The following FANCD2 variants were observed in gnomAD, a reference collection of about 807,000 sequenced individuals.
The protein encoded by FANCD2 is FA complementation group D2, also known as Fanconi anemia group D2 protein.
A neutral mutation model predicts 192.3 loss-of-function variants in FANCD2; 131 were observed. The ratio of observed to expected loss-of-function variants is 0.68; its 90% CI spans 0.59 to 0.79. The LOEUF (loss-of-function observed/expected upper bound fraction) is 0.79, where lower values mean the gene tolerates loss of function less well. Among genes scored for constraint, FANCD2 ranks in the 30% least tolerant of loss-of-function variants. The pLI is 0.00. For synonymous variants in FANCD2, 524 were observed against 612.5 expected (o/e 0.86, Z 2.13); for missense variants, 1,508 against 1,701.6 (o/e 0.89, Z 2.00).
chr3:10,050,561 T>C (rs545449902), intron 17 of FANCD2, among the ~76,000 whole-genome samples: 2 of 143,610 alleles, frequency 1.4e-5, no homozygotes, highest in South Asian at 4.4e-4. Flanking sequence ...AGGCGGAGCT[T>C]GCAGTGAGCC....
chr3:10,095,699 C>G (rs1473198413), intron 41 of FANCD2, among the ~76,000 whole-genome samples: 3 of 152,174 alleles, frequency 2.0e-5, no homozygotes, highest in African/African-American at 7.2e-5. Flanking sequence ...AACATCTTAG[C>G]ATTAAAGGAT....
intron 14 of FANCD2, chr3:10,046,369 G>A: frequency 1.4e-6 from 1 of 689,760 alleles, no homozygotes. Context: ...GTATTCTTAA[G>A]GGGTATCAAT....
chr3:10,077,398 T>C (rs1289040439), intron 29 of FANCD2, among the ~76,000 whole-genome samples: 1 of 151,800 alleles, frequency 6.6e-6, no homozygotes. Context: ...CTACTAAAAA[T>C]ACAAAAATTA....
At chr3:10,082,444 C>G (rs1275812844) in intron 32 of FANCD2, among the ~76,000 whole-genome samples, 1 of 152,142 alleles carries the variant, frequency 6.6e-6, no homozygotes, top group Non-Finnish European at 1.5e-5. Flanking sequence ...CAGTTTGATC[C>G]TATCCCAATT....
At chr3:10,044,328 C>T (rs1157155325) in intron 14 of FANCD2, among the ~76,000 whole-genome samples, 2 of 151,908 alleles carry the variant, frequency 1.3e-5, no homozygotes, top group Admixed American at 6.6e-5. Context: ...GGCAGTGGTA[C>T]TGGATCTTAT....
intron 32 of FANCD2, among the ~76,000 whole-genome samples, chr3:10,083,014 C>T (rs941568514): frequency 6.6e-6 from 1 of 152,092 alleles, no homozygotes; most frequent in African/African-American, 2.4e-5. Flanking sequence ...ATCACTTGAG[C>T]TCAGGAGTTC....
chr3:10,048,141 G>C, intron 16 of FANCD2, 90 bp downstream of exon 16: 1 of 1,575,518 alleles, frequency 6.3e-7, no homozygotes, highest in Admixed American at 1.7e-5. Context: ...ACTCACTGAA[G>C]GGGAAGGAAC....
chr3:10,064,765 G>A lies in FANCD2; in HGVS notation c.2058G>A (p.Leu686=), dbSNP rs773593671. The A allele has an allele frequency of 2.1e-5, 34 of 1,614,136 alleles. No individual in the cohort carries two copies. In the East Asian group the frequency reaches 6.5e-4, roughly 31 times the overall value. ...TTCCTGTGAAAGCACTGTACGGACT[G>A]GAAGAATACGACACTCAGGATGGGA... ...FPFPVKALYG[L]EEYDTQDGIA... is the part of the protein sequence containing the mutation. Residue 686 remains leucine, a synonymous_variant, in exon 23 of 44, where the codon CTG becomes CTA. Transcript: ENST00000675286.
chr3:10,059,761 G>A (rs1383091602), intron 18 of FANCD2, among the ~76,000 whole-genome samples: 1 of 151,910 alleles, frequency 6.6e-6, no homozygotes, highest in African/African-American at 2.4e-5. Flanking sequence ...AGCCAAGATG[G>A]CGCCACTGCA....
chr3:10,028,140 T>C (rs2086503347), intron 1 of FANCD2, among the ~76,000 whole-genome samples: 1 of 152,040 alleles, frequency 6.6e-6, no homozygotes, highest in Admixed American at 6.6e-5. Flanking sequence ...TAGACTAAAT[T>C]TCCTAGTAAG....
intron 1 of FANCD2, among the ~76,000 whole-genome samples, chr3:10,027,428 A>C (rs1251497280): frequency 6.6e-6 from 1 of 152,240 alleles, no homozygotes; most frequent in Non-Finnish European, 1.5e-5. Flanking sequence ...CACTGAGACC[A>C]CGAAGGTTCT....
chr3:10,045,647 G>A (rs1252400505), intron 14 of FANCD2: 2 of 148,196 alleles, frequency 1.3e-5, no homozygotes, highest in Non-Finnish European at 3.0e-5. Flanking sequence ...TGTCACCTAG[G>A]CTCGAGTGCA....
intron 20 of FANCD2, among the ~76,000 whole-genome samples, chr3:10,062,527 C>T (rs1448492883): frequency 6.6e-6 from 1 of 152,044 alleles, no homozygotes; most frequent in Non-Finnish European, 1.5e-5. Flanking sequence ...CAGGCGTGAG[C>T]CACCTCGCCC....
intron 14 of FANCD2, among the ~76,000 whole-genome samples, chr3:10,045,330 G>A (rs1182652141): frequency 2.0e-5 from 3 of 151,736 alleles, no homozygotes; most frequent in African/African-American, 7.3e-5. Flanking sequence ...CACCACGCCC[G>A]GCTAATTTTT....
Position 10,046,589 on chromosome 3 carries a change from C to G in FANCD2, c.1144C>G (p.Leu382Val), listed in dbSNP as rs772055664. 2 of 1,614,186 alleles carry G rather than the reference C, an allele frequency of 1.2e-6. No individual in the cohort carries two copies. Among genetic ancestry groups the G allele is most frequent in the Non-Finnish European group, 1.7e-6 (2 of 1,179,982 alleles). ...TATTTATTGACAATAGGTGTTTGAC[C>G]TGGTGATGCTTTTCATCATCTATAG... The part of the protein sequence containing the change: ...ASVSEHKVFD[L>V]VMLFIIYSTN... Residue 382 changes from leucine to valine, a missense_variant, in exon 15 of 44, where the codon CTG becomes GTG. By Grantham distance (32) the Leu-to-Val change is conservative. Coordinates refer to ENST00000675286, the MANE Select transcript of FANCD2 (RefSeq NM_001018115.3).
In FANCD2 at chr3:10,081,380, G is replaced by A. The variant is rs1559399691; in HGVS notation, c.3140G>A (p.Gly1047Glu). ...GCTGAGAATCACGGTGTAGTTGATG[G>A]ACCAGGAGTGAAAGTTCAGGAGTAC... ...LAAENHGVVDGPGVKVQEYHI... is the reference protein window; with the variant it reads ...LAAENHGVVDEPGVKVQEYHI... Residue 1047 changes from glycine to glutamate, a missense_variant, in exon 32 of 44, where the codon GGA becomes GAA. Gly to Glu is a moderately conservative substitution (Grantham distance 98). Transcript: ENST00000675286. The A allele has an allele frequency of 6.2e-7, 1 of 1,614,086 alleles. No individual in the cohort carries two copies. Among genetic ancestry groups the A allele is most frequent in the South Asian group, 1.1e-5 (1 of 91,066 alleles).
At chr3:10,087,051 C>G in intron 33 of FANCD2, 83 bp from the exon 34 acceptor site, 3 of 1,484,354 alleles carry the variant, frequency 2.0e-6, no homozygotes, top group Non-Finnish European at 2.8e-6. Context: ...CTGAAAGGGA[C>G]TTGGGCACGT....
intron 42 of FANCD2, among the ~76,000 whole-genome samples, chr3:10,098,335 A>G (rs993758286): frequency 6.6e-6 from 1 of 152,140 alleles, no homozygotes. Flanking sequence ...ACCTCACCAT[A>G]CTGTCCTTTA....
chr3:10,062,938 T>A (rs1469969738), intron 20 of FANCD2, among the ~76,000 whole-genome samples: 2 of 152,092 alleles, frequency 1.3e-5, no homozygotes, highest in African/African-American at 2.4e-5. Flanking sequence ...TGATCTCAGG[T>A]GATCTGCCCC....
Sources: gnomAD v4.1 joint callset for allele counts (sites outside exome capture counted in the v4.1 genomes callset) on GRCh38, gnomAD v4.1.1 for gene constraint, MANE v1.5 for transcripts, NCBI Gene and HGNC (gene_info 2026-07-23, HGNC 2026-07-21) for gene names.